SLF1: variants seen among roughly 807,000 people sequenced by gnomAD.
The protein encoded by SLF1 is SMC5/6 complex localization factor 1.
In SLF1, 105 loss-of-function variants were observed where a neutral mutation model predicts 123.0. The observed-to-expected ratio is 0.85, with a 90% CI of 0.73 to 1.00. The LOEUF is 1.00. SLF1 is among the 50% of genes least tolerant of loss of function. The pLI is 0.00. For missense variants in SLF1, 1,239 were observed against 1,223.0 expected (o/e 1.01, Z -0.20); for synonymous variants, 434 against 406.6 (o/e 1.07, Z -0.81).
intron 5 of SLF1, among the ~76,000 whole-genome samples, chr5:94,645,411 A>G (rs531174399): frequency 1.3e-5 from 2 of 152,296 alleles, no homozygotes; most frequent in South Asian, 4.2e-4. Context: ...CTGTGTGGTA[A>G]TTCATTTCCA....
intron 12 of SLF1, among the ~76,000 whole-genome samples, chr5:94,667,506 C>G (rs1749921127): frequency 6.6e-6 from 1 of 152,140 alleles, no homozygotes; most frequent in Admixed American, 6.5e-5. Flanking sequence ...CCACAGTATG[C>G]TCTTTCCAAA....
chr5:94,628,709 T>G, intron 1 of SLF1, 102 bp from the exon 2 acceptor site: 1 of 625,678 alleles, frequency 1.6e-6, no homozygotes, highest in Non-Finnish European at 2.6e-6. Flanking sequence ...CATTGTATGT[T>G]TAATAGTTTA....
chr5:94,674,317 A>G (rs1337818603), intron 14 of SLF1, among the ~76,000 whole-genome samples: 2 of 152,194 alleles, frequency 1.3e-5, no homozygotes, highest in Non-Finnish European at 2.9e-5. Context: ...AGATTTATAC[A>G]TATTTAACTT....
intron 12 of SLF1, among the ~76,000 whole-genome samples, chr5:94,669,196 A>G (rs1404535024): frequency 1.3e-5 from 2 of 152,186 alleles, no homozygotes; most frequent in African/African-American, 4.8e-5. Context: ...ATGCATAGAG[A>G]AACGTAAGTT....
At chr5:94,641,712 G>A (rs1299040604) in intron 4 of SLF1, among the ~76,000 whole-genome samples, 1 of 152,130 alleles carries the variant, frequency 6.6e-6, no homozygotes, top group Middle Eastern at 3.2e-3. Context: ...GCTTCAGGTC[G>A]AGGGTGTGGG....
Position 94,649,479 on chromosome 5 carries a change from C to A in SLF1, c.620C>A (p.Ser207Tyr). 1 of 1,507,780 alleles carries A rather than the reference C, an allele frequency of 6.6e-7. No homozygotes were observed. The highest frequency in any genetic ancestry group is 1.3e-5 in the South Asian group (1 of 77,646). The allele number at this position is 1,507,780 out of a possible 1,614,324, so 93.4% of individuals were successfully genotyped here. A position where few individuals can be genotyped will look rare whatever the true frequency, so the allele number is the denominator to read the frequency against. ...LEKEIQNDEDSQTNSVWTEHS... is the reference protein window; with the variant it reads ...LEKEIQNDEDYQTNSVWTEHS... ...AAAGAAATTCAGAATGATGAAGATT[C>A]CCAAACCAATTCTGTTTGGACTGAA... is the stretch of plus-strand genomic sequence containing the variant. Residue 207 changes from serine (S) to tyrosine (Y), a missense_variant, in exon 6 of 21, where the codon TCC becomes TAC. By Grantham distance (144) the Ser-to-Tyr change is moderately radical. Transcript: ENST00000265140.
chr5:94,628,767 A>C, intron 1 of SLF1, 44 bp from the exon 2 acceptor site: 1 of 1,295,952 alleles, frequency 7.7e-7, no homozygotes, highest in African/African-American at 1.5e-5. Flanking sequence ...CCTGTGAATA[A>C]TATCTTTAAC....
rs1360315247 is a variant in SLF1, at chr5:94,678,841, G to A, written c.1861G>A (p.Gly621Arg). The A allele has an allele frequency of 6.2e-7, 1 of 1,613,382 alleles. No individual in the cohort carries two copies. The highest frequency in any genetic ancestry group is 1.3e-5 in the African/African-American group (1 of 75,008). Residue 621 changes from glycine to arginine, a missense_variant, in exon 15 of 21, where the codon GGA becomes AGA. Gly to Arg is a moderately radical substitution (Grantham distance 125). Coordinates refer to ENST00000265140, the MANE Select transcript of SLF1 (RefSeq NM_032290.4). The stretch of plus-strand genomic sequence containing the variant: ...ACATGAACTAGCTTACTTATTGGCT[G>A]GAATTCTTGGAGCAGCAATAGATTA... ...FKHELAYLLA[G>R]ILGAAIDYWI...
intron 1 of SLF1, among the ~76,000 whole-genome samples, chr5:94,622,946 T>C (rs1003321149): frequency 2.6e-5 from 4 of 152,150 alleles, no homozygotes; most frequent in East Asian, 1.9e-4. Flanking sequence ...TTCCGCTTTT[T>C]CCCAAGGGTT....
Position 94,628,766 on chromosome 5 carries a change from A to G in SLF1, c.1-45A>G. On this transcript the variant is annotated intron_variant, in intron 1 of 20. Coordinates refer to ENST00000265140, the MANE Select transcript of SLF1 (RefSeq NM_032290.4). ...AAAAAATAATGTCAACCCTGTGAAT[A>G]ATATCTTTAACACACATTATCTTCT... 2.3e-6 allele frequency: 3 copies of G among 1,285,624 alleles called. No homozygotes were observed. The South Asian group carries it at 4.9e-5, about 21-fold the overall frequency. The allele number at this position is 1,285,624 out of a possible 1,614,324, so 79.6% of individuals were successfully genotyped here.
rs772739452 is a variant in SLF1, at chr5:94,688,653, G to C, written c.2269G>C (p.Gly757Arg). The C allele has an allele frequency of 6.2e-7, 1 of 1,613,968 alleles. No homozygotes were observed. Among genetic ancestry groups the C allele is most frequent in the Non-Finnish European group, 8.5e-7 (1 of 1,179,922 alleles). The change falls in exon 17 of 21, where the codon GGG becomes CGG. Residue 757 changes from glycine (G) to arginine (R), a missense_variant. By Grantham distance (125) the Gly-to-Arg change is moderately radical. Coordinates refer to ENST00000265140, the MANE Select transcript of SLF1 (RefSeq NM_032290.4). ...LNGTKQKQVE[G>R]LPELLDLNLA... The stretch of plus-strand genomic sequence containing the variant: ...TGGTACTAAACAAAAACAAGTCGAA[G>C]GGCTGCCAGAGTTACTGTAAGTGAT...
At position 94,630,675 on chromosome 5, in the gene SLF1, A is replaced by T. The variant is rs893835230; in HGVS notation, c.363A>T (p.Pro121=). 5 of 1,551,598 alleles carry T rather than the reference A, an allele frequency of 3.2e-6. No individual in the cohort carries two copies. In the African/African-American group the frequency reaches 6.8e-5, roughly 21 times the overall value. The stretch of plus-strand genomic sequence containing the variant: ...AAGAACTGAAACGCACTGGTGCTCC[A>T]GGAGCCTTCCACAGATGGAAAGTTG... ...WREELKRTGA[P]GAFHRWKVVL... is the part of the protein sequence containing the mutation. The change falls in exon 4 of 21, where the codon CCA becomes CCT. Residue 121 remains proline, a synonymous_variant. Transcript: ENST00000265140.
chr5:94,691,425 A>G, intron 18 of SLF1, 139 bp from the exon 19 acceptor site: 4 of 204,862 alleles, frequency 2.0e-5, no homozygotes, highest in South Asian at 1.0e-4. Context: ...AATGCAGGGG[A>G]TGTTTAAACC....
intron 9 of SLF1, among the ~76,000 whole-genome samples, chr5:94,661,123 A>G (rs1455388923): frequency 2.6e-5 from 4 of 152,120 alleles, no homozygotes; most frequent in African/African-American, 9.7e-5. Flanking sequence ...CCAGCAGATT[A>G]TGTGGGACTC....
At chr5:94,680,051 T>C (rs138681639) in intron 15 of SLF1, among the ~76,000 whole-genome samples, 87 of 152,336 alleles carry the variant, frequency 5.7e-4, no homozygotes, top group African/African-American at 1.9e-3. Flanking sequence ...TACTTTTATA[T>C]ACTTGATATT....
Position 94,662,388 on chromosome 5 carries a change from A to C in SLF1, c.1209+37A>C. The C allele has an allele frequency of 2.0e-6, 3 of 1,485,082 alleles. No homozygotes were observed. In the South Asian group the frequency reaches 4.0e-5, roughly 20 times the overall value. The allele number at this position is 1,485,082 out of a possible 1,614,324, so 92.0% of individuals were successfully genotyped here. On this transcript the variant is annotated intron_variant, in intron 10 of 20. Transcript: ENST00000265140. ...GGAGCAGCATTGGTGATGGGGGCAA[A>C]GAAGAAGTTTTGTGTTTTGTTATTA... is the stretch of plus-strand genomic sequence containing the variant.
intron 10 of SLF1, among the ~76,000 whole-genome samples, chr5:94,662,582 C>T (rs572547024): frequency 1.3e-4 from 20 of 152,288 alleles, no homozygotes; most frequent in South Asian, 1.2e-3. Flanking sequence ...GTTAAAAACA[C>T]ACCTTGTGCT....
Position 94,692,139 on chromosome 5 carries a change from A to G in SLF1, c.2578A>G (p.Ile860Val), listed in dbSNP as rs533486708. Reference sequence around the variant, plus strand: ...TGGCAACACAGTGTGTGTCCAGGAAATTTTGCAACGTTGTCCAGAGGTAGA... The same window carrying G: ...TGGCAACACAGTGTGTGTCCAGGAAGTTTTGCAACGTTGTCCAGAGGTAGA... ...NYGNTVCVQE[I>V]LQRCPEVDLL... The change falls in exon 20 of 21, where the codon ATT becomes GTT. Residue 860 changes from isoleucine (I) to valine (V), a missense_variant. By Grantham distance (29) the Ile-to-Val change is conservative (BLOSUM62 3). Coordinates refer to ENST00000265140, the MANE Select transcript of SLF1 (RefSeq NM_032290.4). 6 of 1,613,738 alleles carry G rather than the reference A, an allele frequency of 3.7e-6. No individual in the cohort carries two copies. The highest frequency in any genetic ancestry group is 4.2e-6 in the Non-Finnish European group (5 of 1,179,862).
At chr5:94,641,577 T>G (rs1209517044) in intron 4 of SLF1, among the ~76,000 whole-genome samples, 1 of 152,200 alleles carries the variant, frequency 6.6e-6, no homozygotes, top group Non-Finnish European at 1.5e-5. Flanking sequence ...TTATGGGGAC[T>G]GGACTGGAAT....
Sources: allele counts gnomAD v4.1 joint callset (sites outside exome capture counted in the v4.1 genomes callset), GRCh38; gene constraint gnomAD v4.1.1; transcripts MANE v1.5; gene names NCBI Gene and HGNC (gene_info 2026-07-23, HGNC 2026-07-21).